CYP2J2: variants seen among roughly 807,000 people sequenced by gnomAD.
CYP2J2 encodes the protein cytochrome P450 family 2 subfamily J member 2.
In CYP2J2, 41 loss-of-function variants were observed where a neutral mutation model predicts 48.8. That is an observed-to-expected ratio of 0.84 (90% CI 0.66 to 1.09). The LOEUF is 1.09. CYP2J2 is among the 50% of genes least tolerant of loss of function. The pLI is 0.00. For missense variants in CYP2J2, 644 were observed against 617.3 expected, an observed-to-expected ratio of 1.04 and a Z score of -0.46; for synonymous variants, 221 against 227.1, an observed-to-expected ratio of 0.97 and a Z score of 0.24.
chr1:59,907,795 C>T lies in CYP2J2; in HGVS notation c.994G>A (p.Glu332Lys). The T allele has an allele frequency of 6.2e-7, 1 of 1,613,894 alleles. No homozygotes were observed. The highest frequency in any genetic ancestry group is 8.5e-7 in the Non-Finnish European group (1 of 1,179,898). ...TCACTGACATGCTCACCTTGGATTT[C>T]TGGGTAGAGGGCCATATAAAGCAGA... ...WALLYMALYP[E>K]IQEKVQAEID... Residue 332 changes from glutamate (E) to lysine (K), a missense_variant, in exon 6 of 9, where the codon GAA becomes AAA. Physicochemically the swap from Glu to Lys is moderately conservative, Grantham distance 56. Coordinates refer to ENST00000371204, the MANE Select transcript of CYP2J2 (RefSeq NM_000775.4).
At chr1:59,914,026 G>A (rs1321380818) in intron 2 of CYP2J2, among the ~76,000 whole-genome samples, 2 of 152,088 alleles carry the variant, frequency 1.3e-5, no homozygotes, top group South Asian at 2.1e-4. Flanking sequence ...TTCATTTCAG[G>A]GGCTTTTCAT....
chr1:59,941,270 C>T, the CYP2J2 span, among the ~76,000 whole-genome samples: 1 of 152,094 alleles, frequency 6.6e-6, no homozygotes, highest in Non-Finnish European at 1.5e-5. Flanking sequence ...TGACAGTGGT[C>T]CCATACAGTT....
the CYP2J2 span, among the ~76,000 whole-genome samples, chr1:59,947,156 A>ATT: frequency 2.1e-4 from 31 of 150,920 alleles, no homozygotes; most frequent in Middle Eastern, 6.8e-3. Context: ...CTTGAGACTT[A>ATT]TTTTTTTTTG....
At chr1:59,938,753 A>G in the CYP2J2 span, among the ~76,000 whole-genome samples, 1 of 152,120 alleles carries the variant, frequency 6.6e-6, no homozygotes, top group African/African-American at 2.4e-5. Flanking sequence ...AGGCTGGGGG[A>G]CGGTCAGGTC....
chr1:59,913,424 T>C (rs1327231729), intron 2 of CYP2J2, among the ~76,000 whole-genome samples: 1 of 152,224 alleles, frequency 6.6e-6, no homozygotes, highest in South Asian at 2.1e-4. Context: ...TGCCTCACTT[T>C]GCTGACTTAA....
intron 1 of CYP2J2, among the ~76,000 whole-genome samples, chr1:59,926,027 C>A (rs573615356): frequency 6.6e-6 from 1 of 151,994 alleles, no homozygotes; most frequent in East Asian, 1.9e-4. Context: ...GTCTGAACAC[C>A]GTTTGGCAAA....
chr1:59,900,839 T>C, intron 8 of CYP2J2, 126 bp downstream of exon 8: 3 of 1,075,400 alleles, frequency 2.8e-6, no homozygotes, highest in Admixed American at 2.0e-5. Flanking sequence ...TACAGCAAGA[T>C]GGAGTGAGTC....
At chr1:59,940,819 A>G in the CYP2J2 span, among the ~76,000 whole-genome samples, 1 of 152,204 alleles carries the variant, frequency 6.6e-6, no homozygotes, top group Non-Finnish European at 1.5e-5. Flanking sequence ...AAAAAATGAA[A>G]TCATGTCATT....
At chr1:59,930,609 TTTAA>T (rs1447370982), upstream of CYP2J2, among the ~76,000 whole-genome samples, 1 of 152,138 alleles carries the variant, frequency 6.6e-6, no homozygotes. Flanking sequence ...TTTTTTACTG[TTTAA>T]TTATGGGAGT....
At chr1:59,951,619 A>G in the CYP2J2 span, among the ~76,000 whole-genome samples, 1 of 152,198 alleles carries the variant, frequency 6.6e-6, no homozygotes, top group Non-Finnish European at 1.5e-5. Context: ...AACAAATACT[A>G]AATGACTGGT....
At chr1:59,949,216 A>T in the CYP2J2 span, among the ~76,000 whole-genome samples, 1 of 152,038 alleles carries the variant, frequency 6.6e-6, no homozygotes, top group African/African-American at 2.4e-5. Flanking sequence ...GCACCACATA[A>T]TTTCCTATTT....
the CYP2J2 span, among the ~76,000 whole-genome samples, chr1:59,949,525 G>A: frequency 2.0e-5 from 3 of 152,140 alleles, no homozygotes; most frequent in African/African-American, 7.2e-5. Context: ...AGTTCATGGA[G>A]TTCAAAAAAT....
chr1:59,936,341 T>C, the CYP2J2 span, among the ~76,000 whole-genome samples: 3 of 152,306 alleles, frequency 2.0e-5, no homozygotes, highest in South Asian at 4.1e-4. Flanking sequence ...TCCTAAACTA[T>C]AAAATCAGGA....
intron 2 of CYP2J2, among the ~76,000 whole-genome samples, 162 bp downstream of exon 2, chr1:59,915,776 T>A (rs565605402): frequency 6.6e-6 from 1 of 152,192 alleles, no homozygotes; most frequent in Non-Finnish European, 1.5e-5. Flanking sequence ...AGGGAGTGAC[T>A]TCAATCAGGA....
chr1:59,917,245 C>T (rs1257463529), intron 1 of CYP2J2, among the ~76,000 whole-genome samples: 3 of 152,180 alleles, frequency 2.0e-5, no homozygotes, highest in East Asian at 3.9e-4. Flanking sequence ...AGCGAGTCTC[C>T]GAGGAATGAA....
chr1:59,912,202 C>G lies in CYP2J2; in HGVS notation c.483G>C (p.Glu161Asp), dbSNP rs1207916181. Residue 161 changes from glutamate to aspartate, a missense_variant, in exon 3 of 9, where the codon GAG becomes GAC. Coordinates refer to ENST00000371204, the MANE Select transcript of CYP2J2 (RefSeq NM_000775.4). ...TTGCTTCAGTGAGGTGTTGGGCCTC[C>G]TCCTGAATGCGTTCCTCTAAGCTCT... is the stretch of plus-strand genomic sequence containing the variant. ...GKKSLEERIQ[E>D]EAQHLTEAIK... The G allele has an allele frequency of 6.2e-7, 1 of 1,613,878 alleles. No homozygotes were observed. Among genetic ancestry groups the G allele is most frequent in the Admixed American group, 1.7e-5 (1 of 59,992 alleles).
At chr1:59,930,087 G>C (rs553790399), upstream of CYP2J2, among the ~76,000 whole-genome samples, 6 of 152,208 alleles carry the variant, frequency 3.9e-5, no homozygotes, top group African/African-American at 1.4e-4. Context: ...TAGAGAAAAC[G>C]GAGACCAAAA....
At chr1:59,958,700 A>G in the CYP2J2 span, among the ~76,000 whole-genome samples, 2 of 152,088 alleles carry the variant, frequency 1.3e-5, no homozygotes, top group African/African-American at 4.8e-5. Flanking sequence ...CCACCACATT[A>G]CAGATACGAT....
chr1:59,944,796 C>A, the CYP2J2 span, among the ~76,000 whole-genome samples: 1 of 151,698 alleles, frequency 6.6e-6, no homozygotes. Context: ...TTTTAAATTT[C>A]AAAAAATGCA....
Sources: gnomAD v4.1 joint callset for allele counts (sites outside exome capture counted in the v4.1 genomes callset) on GRCh38, gnomAD v4.1.1 for gene constraint, MANE v1.5 for transcripts, NCBI Gene and HGNC (gene_info 2026-07-23, HGNC 2026-07-21) for gene names.